Variants in DOP1B observed in about 807,000 individuals in gnomAD.
DOP1B encodes the protein DOP1 leucine zipper like protein B, also known as protein DOP1B.
A neutral mutation model predicts 233.5 loss-of-function variants in DOP1B; 174 were observed. The observed-to-expected ratio is 0.75, with a 90% confidence interval of 0.66 to 0.85. The LOEUF (loss-of-function observed/expected upper bound fraction) is 0.85, where lower values mean the gene tolerates loss of function less well. DOP1B is among the 40% of genes least tolerant of loss of function. DOP1B has a pLI of 0.00. For missense variants in DOP1B, 2,652 were observed against 2,846.6 expected, an observed-to-expected ratio of 0.93 and a Z score of 1.56; for synonymous variants, 1,190 against 1,185.6, an observed-to-expected ratio of 1.00 and a Z score of -0.08.
intron 2 of DOP1B, among the ~76,000 whole-genome samples, chr21:36,179,645 G>A (rs2066072633): frequency 6.6e-6 from 1 of 152,140 alleles, no homozygotes; most frequent in Admixed American, 6.5e-5. Context: ...GAACCAAGTA[G>A]ACTGGTAGTT....
intron 1 of DOP1B, among the ~76,000 whole-genome samples, chr21:36,161,276 G>A (rs1259449512): frequency 6.6e-6 from 1 of 152,046 alleles, no homozygotes; most frequent in East Asian, 1.9e-4. Flanking sequence ...CTCCTGAATA[G>A]CTGGGATTAC....
intron 18 of DOP1B, among the ~76,000 whole-genome samples, chr21:36,241,696 T>C (rs2066893729): frequency 2.1e-5 from 1 of 48,290 alleles, no homozygotes; most frequent in African/African-American, 5.2e-5. Context: ...TTTCTTTCTT[T>C]TTTTTTTTTT....
At chr21:36,163,968 T>C (rs556273187) in intron 1 of DOP1B, among the ~76,000 whole-genome samples, 1 of 152,350 alleles carries the variant, frequency 6.6e-6, no homozygotes, top group African/African-American at 2.4e-5. Flanking sequence ...AAAAGGCTTA[T>C]GCCAGGAAGT....
intron 2 of DOP1B, among the ~76,000 whole-genome samples, chr21:36,167,924 CTTTTCTTTTCTTTTTCT>C (rs1160616241): frequency 9.4e-6 from 1 of 106,432 alleles, no homozygotes; most frequent in African/African-American, 3.3e-5. Flanking sequence ...ATTTTCTTTT[CTTTTCTTTTCTTTTTCT>C]TTTTTTTTTT....
intron 24 of DOP1B, among the ~76,000 whole-genome samples, 191 bp from the exon 25 acceptor site, chr21:36,263,355 C>G (rs2067195208): frequency 6.6e-6 from 1 of 152,040 alleles, no homozygotes; most frequent in Admixed American, 6.6e-5. Context: ...TTCAGGTTCT[C>G]AAACTCCAAG....
chr21:36,239,848 T>C lies in DOP1B; in HGVS notation c.2960T>C (p.Leu987Pro). The C allele has an allele frequency of 6.3e-7, 1 of 1,586,602 alleles. No individual in the cohort carries two copies. Among genetic ancestry groups the C allele is most frequent in the Non-Finnish European group, 8.6e-7 (1 of 1,168,108 alleles). Residue 987 changes from leucine (L) to proline (P), a missense_variant, in exon 18 of 37, where the codon CTC (leucine) becomes CCC (proline). By Grantham distance (98) the Leu-to-Pro change is moderately conservative (BLOSUM62 -3). Transcript: ENST00000691173. ...AAAQGWLVRA[L>P]SLGDVARILE... ...GCCCAGGGCTGGCTGGTGCGTGCGC[T>C]CTCCCTCGGGGACGTGGCTCGCATC... is the stretch of plus-strand genomic sequence containing the variant.
intron 2 of DOP1B, among the ~76,000 whole-genome samples, chr21:36,197,837 C>T (rs1202387075): frequency 6.6e-6 from 1 of 151,622 alleles, no homozygotes. Context: ...TGGTGAAACC[C>T]CATCTCTACT....
chr21:36,160,955 A>G (rs1004438989), intron 1 of DOP1B, among the ~76,000 whole-genome samples: 1 of 152,206 alleles, frequency 6.6e-6, no homozygotes, highest in Admixed American at 6.6e-5. Flanking sequence ...GGCGATGGAG[A>G]GCAATTGAGT....
At chr21:36,197,596 C>T (rs2066306015) in intron 2 of DOP1B, among the ~76,000 whole-genome samples, 1 of 152,196 alleles carries the variant, frequency 6.6e-6, no homozygotes, top group Non-Finnish European at 1.5e-5. Flanking sequence ...TTCTGCCTCC[C>T]TGAGATGGGG....
At chr21:36,247,702 A>G (rs2066984596) in intron 20 of DOP1B, 74 bp downstream of exon 20, 1 of 1,102,446 alleles carries the variant, frequency 9.1e-7, no homozygotes, top group Admixed American at 2.4e-5. Flanking sequence ...ACTGTTTCAA[A>G]TAAGTAACGT....
chr21:36,215,746 GGC>G (rs2066551333), intron 9 of DOP1B, among the ~76,000 whole-genome samples: 1 of 150,270 alleles, frequency 6.7e-6, no homozygotes. Flanking sequence ...CAGGCACGGT[GGC>G]TCACACCTGT....
chr21:36,208,003 A>G (rs1268825040), intron 4 of DOP1B, among the ~76,000 whole-genome samples: 2 of 152,206 alleles, frequency 1.3e-5, no homozygotes, highest in Admixed American at 1.3e-4. Flanking sequence ...TTCTCTTAAA[A>G]GGATGCATGA....
At chr21:36,212,428 G>A (rs1285149804) in intron 7 of DOP1B, among the ~76,000 whole-genome samples, 1 of 152,234 alleles carries the variant, frequency 6.6e-6, no homozygotes, top group Non-Finnish European at 1.5e-5. Context: ...AGTTCCATGG[G>A]ATGAGGGTGT....
Position 36,214,693 on chromosome 21 carries a change from A to G in DOP1B, c.1129+137A>G, listed in dbSNP as rs1335912951. ...TTTGGAATTTCACAACTTTGAAGTC[A>G]TGTTATATGGTTCAATGATCATATC... is the stretch of plus-strand genomic sequence containing the variant. On this transcript the variant is annotated intron_variant, in intron 9 of 36. Coordinates refer to ENST00000691173, the MANE Select transcript of DOP1B (RefSeq NM_001320714.2). 4 of 827,958 alleles carry G rather than the reference A, an allele frequency of 4.8e-6. No homozygotes were observed. In the Admixed American group the frequency reaches 1.1e-4, roughly 23 times the overall value. 51.3% of individuals were successfully genotyped at this position (827,958 alleles called of 1,614,324 possible). A position where few individuals can be genotyped will look rare whatever the true frequency, so the allele number is the denominator to read the frequency against.
chr21:36,258,219 G>A (rs763046201), intron 23 of DOP1B, among the ~76,000 whole-genome samples: 2 of 152,042 alleles, frequency 1.3e-5, no homozygotes, highest in Admixed American at 1.3e-4. Flanking sequence ...AGACCAGCCT[G>A]GGCAACAAAG....
intron 2 of DOP1B, among the ~76,000 whole-genome samples, chr21:36,188,497 T>C (rs1280829656): frequency 1.3e-5 from 2 of 151,688 alleles, no homozygotes; most frequent in Non-Finnish European, 2.9e-5. Context: ...TCCATTTTCG[T>C]CCTGTCTAAA....
intron 23 of DOP1B, among the ~76,000 whole-genome samples, chr21:36,257,253 A>T (rs2060934369): frequency 6.6e-6 from 1 of 152,178 alleles, no homozygotes; most frequent in Admixed American, 6.5e-5. Context: ...CTGGAAGCTC[A>T]CCAAACCCAG....
At chr21:36,266,006 A>G (rs2067226616) in intron 26 of DOP1B, among the ~76,000 whole-genome samples, 1 of 151,794 alleles carries the variant, frequency 6.6e-6, no homozygotes, top group African/African-American at 2.4e-5. Context: ...GCTCAGTCCC[A>G]CAAGACTGCC....
At chr21:36,237,904 A>G (rs149137469) in intron 16 of DOP1B, among the ~76,000 whole-genome samples, 1 of 152,302 alleles carries the variant, frequency 6.6e-6, no homozygotes, top group African/African-American at 2.4e-5. Context: ...GCAGTGACTC[A>G]CGCCTGTAAT....
Sources: allele counts gnomAD v4.1 joint callset (sites outside exome capture counted in the v4.1 genomes callset), GRCh38; gene constraint gnomAD v4.1.1; transcripts MANE v1.5; gene names NCBI Gene and HGNC (gene_info 2026-07-23, HGNC 2026-07-21).